Variants in ULK4 observed in about 807,000 individuals in gnomAD.
The protein encoded by ULK4 is unc-51 like kinase 4, also known as inactive serine/threonine-protein kinase ULK4.
Under a neutral mutation model 160.6 loss-of-function variants are expected in ULK4, and 133 were observed. The observed-to-expected ratio is 0.83, with a 90% CI of 0.72 to 0.96. ULK4 has a LOEUF of 0.96. ULK4 is among the 40% of genes least tolerant of loss of function. The probability of loss-of-function intolerance (pLI) is 0.00; values close to 1 mark genes in which losing one functional copy is unlikely to be tolerated. For missense variants in ULK4, 1,580 were observed against 1,499.5 expected (o/e 1.05, Z -0.89); for synonymous variants, 534 against 539.8 (o/e 0.99, Z 0.15).
intron 34 of ULK4, among the ~76,000 whole-genome samples, chr3:41,418,422 C>A (rs1274236333): frequency 1.3e-5 from 2 of 150,818 alleles, no homozygotes; most frequent in Admixed American, 6.6e-5. Context: ...AAAAATTTTC[C>A]AAAAAATTTT....
intron 35 of ULK4, among the ~76,000 whole-genome samples, chr3:41,350,692 G>A (rs996611832): frequency 6.6e-6 from 1 of 151,342 alleles, no homozygotes; most frequent in Admixed American, 6.6e-5. Flanking sequence ...GACTCACTGG[G>A]GTAGCCTCTG....
chr3:41,435,288 T>C (rs1039762757), intron 34 of ULK4, among the ~76,000 whole-genome samples: 3 of 152,232 alleles, frequency 2.0e-5, no homozygotes, highest in African/African-American at 7.2e-5. Flanking sequence ...AAGTCTTTAG[T>C]AATGTTGTTC....
At chr3:41,349,490 T>C (rs892954609) in intron 35 of ULK4, among the ~76,000 whole-genome samples, 2 of 152,160 alleles carry the variant, frequency 1.3e-5, no homozygotes, top group Non-Finnish European at 2.9e-5. Flanking sequence ...TAAGTCTTCC[T>C]CAGGGACCAG....
At chr3:41,685,992 A>C (rs1189512158) in intron 27 of ULK4, among the ~76,000 whole-genome samples, 1 of 152,196 alleles carries the variant, frequency 6.6e-6, no homozygotes, top group African/African-American at 2.4e-5. Flanking sequence ...GATCTTAGCA[A>C]GAATATATAT....
At chr3:41,515,794 A>C (rs1050257798) in intron 32 of ULK4, among the ~76,000 whole-genome samples, 3 of 152,196 alleles carry the variant, frequency 2.0e-5, no homozygotes, top group African/African-American at 7.2e-5. Flanking sequence ...ATTACACTTC[A>C]AGGTGAGATT....
At chr3:41,521,579 T>G (rs902945093) in intron 32 of ULK4, among the ~76,000 whole-genome samples, 1 of 152,226 alleles carries the variant, frequency 6.6e-6, no homozygotes, top group African/African-American at 2.4e-5. Context: ...GTTGGTAAAG[T>G]TGAACTCATG....
chr3:41,305,382 C>T (rs1476722541), intron 35 of ULK4, among the ~76,000 whole-genome samples: 1 of 152,224 alleles, frequency 6.6e-6, no homozygotes, highest in Admixed American at 6.5e-5. Context: ...AGGCTCGAGC[C>T]GCCACGCCTG....
In ULK4 at chr3:41,690,347, C is replaced by T. The variant is rs557181665; in HGVS notation, c.2782-8543G>A. Among the ~76,000 whole-genome samples the T allele has an allele frequency of 3.5e-3, 535 of 150,874 alleles. 8 individuals carry two copies. Among genetic ancestry groups the T allele is most frequent in the Middle Eastern group, 0.024 (7 of 294 alleles). On this transcript the variant is annotated intron_variant, in intron 27 of 36. Coordinates refer to ENST00000301831, the MANE Select transcript of ULK4 (RefSeq NM_017886.4). The stretch of plus-strand genomic sequence containing the variant: ...AGGAGATATACCTAATGCTAAATGA[C>T]GAGTTAATGGGTGCAGCACACCAGC...
intron 35 of ULK4, among the ~76,000 whole-genome samples, chr3:41,280,963 A>T (rs577344433): frequency 3.2e-4 from 48 of 152,338 alleles, no homozygotes; most frequent in African/African-American, 1.1e-3. Context: ...ATAAAAAATG[A>T]TAAAGGGGAT....
intron 35 of ULK4, among the ~76,000 whole-genome samples, chr3:41,299,052 C>T (rs908228207): frequency 4.6e-5 from 7 of 152,228 alleles, no homozygotes; most frequent in African/African-American, 1.7e-4. Context: ...GAGTCTATTT[C>T]TCATCCTTGA....
At chr3:41,497,781 T>C (rs951200385) in intron 32 of ULK4, among the ~76,000 whole-genome samples, 2 of 152,054 alleles carry the variant, frequency 1.3e-5, no homozygotes, top group Admixed American at 6.6e-5. Context: ...ACTCACGAGG[T>C]TGAGGTGGGA....
chr3:41,900,927 TATCACCTATA>T (rs1698330404), intron 12 of ULK4, 98 bp from the exon 13 acceptor site: 2 of 747,128 alleles, frequency 2.7e-6, no homozygotes, highest in African/African-American at 3.5e-5. Flanking sequence ...CACTGTAAAA[TATCACCTATA>T]TCAATGTACT....
intron 27 of ULK4, among the ~76,000 whole-genome samples, chr3:41,700,061 T>C (rs1332868687): frequency 6.6e-6 from 1 of 152,196 alleles, no homozygotes; most frequent in Non-Finnish European, 1.5e-5. Context: ...TTGGAATTCA[T>C]TGCTGTGACA....
intron 25 of ULK4, among the ~76,000 whole-genome samples, chr3:41,705,973 T>C (rs1418593386): frequency 6.6e-6 from 1 of 152,178 alleles, no homozygotes; most frequent in Non-Finnish European, 1.5e-5. Context: ...AATCAAGCTT[T>C]AGCTACCCTG....
chr3:41,919,844 T>TA, intron 5 of ULK4, 26 bp from the exon 6 acceptor site: 1 of 1,553,664 alleles, frequency 6.4e-7, no homozygotes, highest in Non-Finnish European at 8.8e-7. Context: ...GAAGAACAGC[T>TA]CGGTTAGGCA....
At chr3:41,833,192 C>G (rs950120820) in intron 18 of ULK4, among the ~76,000 whole-genome samples, 1 of 151,742 alleles carries the variant, frequency 6.6e-6, no homozygotes, top group Non-Finnish European at 1.5e-5. Flanking sequence ...TTGTTTGTGT[C>G]CTCTCTTATT....
chr3:41,276,321 G>A (rs1474276681), intron 35 of ULK4, among the ~76,000 whole-genome samples: 2 of 152,100 alleles, frequency 1.3e-5, no homozygotes, highest in African/African-American at 2.4e-5. Flanking sequence ...CCGGACCTTC[G>A]AGTCTCCCTC....
At chr3:41,286,618 G>A (rs1018140579) in intron 35 of ULK4, among the ~76,000 whole-genome samples, 1 of 152,134 alleles carries the variant, frequency 6.6e-6, no homozygotes, top group Admixed American at 6.5e-5. Flanking sequence ...TAAACTGCAG[G>A]CACAGACACG....
At chr3:41,948,850 C>A (rs985244120) in intron 2 of ULK4, among the ~76,000 whole-genome samples, 5 of 151,492 alleles carry the variant, frequency 3.3e-5, no homozygotes, top group African/African-American at 9.7e-5. Context: ...TTTCCTCTAA[C>A]ATTAAGAAGT....
Sources: allele counts gnomAD v4.1 joint callset (sites outside exome capture counted in the v4.1 genomes callset), GRCh38; gene constraint gnomAD v4.1.1; transcripts MANE v1.5; gene names NCBI Gene and HGNC (gene_info 2026-07-23, HGNC 2026-07-21).